The following SLC2A1 variants were observed in gnomAD, a reference collection of about 807,000 sequenced individuals.
The protein encoded by SLC2A1 is solute carrier family 2 member 1.
A neutral mutation model predicts 46.6 loss-of-function variants in SLC2A1; 4 were observed. The observed-to-expected ratio is 0.09, with a 90% CI of 0.04 to 0.20. The LOEUF is 0.20. SLC2A1 is among the 10% of genes least tolerant of loss of function. SLC2A1 has a pLI of 1.00. For synonymous variants in SLC2A1, 253 were observed against 270.0 expected, an observed-to-expected ratio of 0.94 and a Z score of 0.62; for missense variants, 352 against 667.0, an observed-to-expected ratio of 0.53 and a Z score of 5.20.
chr1:42,940,361 A>C (rs899292980), intron 2 of SLC2A1, among the ~76,000 whole-genome samples: 11 of 152,202 alleles, frequency 7.2e-5, no homozygotes, highest in Non-Finnish European at 1.6e-4. Flanking sequence ...CCCCTGGGGT[A>C]CCCGATGGCC....
intron 2 of SLC2A1, chr1:42,942,942 A>G: frequency 2.0e-6 from 1 of 499,590 alleles, no homozygotes; most frequent in Non-Finnish European, 3.7e-6. Flanking sequence ...ATATCATCAA[A>G]CATATTATTA....
chr1:42,943,465 A>G, intron 1 of SLC2A1, 144 bp from the exon 2 acceptor site: 1 of 735,422 alleles, frequency 1.4e-6, no homozygotes, highest in Non-Finnish European at 2.4e-6. Flanking sequence ...AAACTTGGCC[A>G]ATTCCTGACC....
In SLC2A1 at chr1:42,930,349, G is replaced by A. The variant is rs1010132914; in HGVS notation, c.516+277C>T. ...GAAGGGGAAGCCTCCTGGAGAGAGGGTACTGTGCATAACAGCCTGCGGCAT... is the reference window on the plus strand; with the variant it reads ...GAAGGGGAAGCCTCCTGGAGAGAGGATACTGTGCATAACAGCCTGCGGCAT... On this transcript the variant is annotated intron_variant, in intron 4 of 9. Transcript: ENST00000426263. This position sits in a 1 kb window ranked among gnomAD's most constrained non-coding sequence, Gnocchi z 6.2. 14 of 648,200 alleles carry A rather than the reference G, an allele frequency of 2.2e-5. No homozygotes were observed. The African/African-American group carries it at 2.2e-4, about 10-fold the overall frequency. 40.2% of individuals were successfully genotyped at this position (648,200 alleles called of 1,614,324 possible). A position where few individuals can be genotyped will look rare whatever the true frequency, so the allele number is the denominator to read the frequency against.
intron 1 of SLC2A1, 83 bp from the exon 2 acceptor site, chr1:42,943,404 T>C: frequency 1.0e-6 from 1 of 997,970 alleles, no homozygotes; most frequent in Non-Finnish European, 1.6e-6. Flanking sequence ...CAAGTTTCTG[T>C]GTTCAGATAT....
At chr1:42,934,772 G>T (rs74703396) in intron 2 of SLC2A1, among the ~76,000 whole-genome samples, 1 of 152,036 alleles carries the variant, frequency 6.6e-6, no homozygotes, top group African/African-American at 2.4e-5. Flanking sequence ...TCACATGCCC[G>T]TCCCAAGCTT....
Position 42,927,254 on chromosome 1 carries a change from C to G in SLC2A1, c.1279-13G>C, listed in dbSNP as rs1361780282. 1.9e-6 allele frequency: 3 copies of G among 1,613,038 alleles called. No individual in the cohort carries two copies. The African/African-American group carries it at 4.0e-5, about 22-fold the overall frequency. On this transcript the variant is annotated splice_polypyrimidine_tract_variant and intron_variant, in intron 9 of 9. Coordinates refer to ENST00000426263, the MANE Select transcript of SLC2A1 (RefSeq NM_006516.4). This position sits in a 1 kb window ranked among gnomAD's most constrained non-coding sequence, Gnocchi z 5.3. ...GACCACACAGTTGCTGAAAGACACA[C>G]AGACACACTTGGTTGGAGTCATGAC...
intron 1 of SLC2A1, among the ~76,000 whole-genome samples, chr1:42,944,235 C>T (rs1480948349): frequency 6.6e-6 from 1 of 152,174 alleles, no homozygotes; most frequent in Non-Finnish European, 1.5e-5. Context: ...GGACCTAAGG[C>T]AGCAGGAAGG....
intron 2 of SLC2A1, among the ~76,000 whole-genome samples, chr1:42,935,032 C>G (rs891488655): frequency 6.6e-6 from 1 of 152,188 alleles, no homozygotes; most frequent in Non-Finnish European, 1.5e-5. Flanking sequence ...CTTCTCTGCT[C>G]CCTTCCCAGC....
At position 42,936,153 on chromosome 1, in the gene SLC2A1, A is replaced by G. The variant is rs374597872; in HGVS notation, c.115-4947T>C. Among the ~76,000 whole-genome samples the G allele has an allele frequency of 5.9e-5, 9 of 152,228 alleles. No homozygotes were observed. The South Asian group carries it at 8.3e-4, about 14-fold the overall frequency. ...TTACCCCAGGAGGACTAGGTCAGTT[A>G]GGTCATCCCCAGCAGGGATCCCTGG... On this transcript the variant is annotated intron_variant, in intron 2 of 9. Transcript: ENST00000426263.
chr1:42,930,881 A>G lies in SLC2A1; in HGVS notation c.276-15T>C. On this transcript the variant is annotated splice_polypyrimidine_tract_variant and intron_variant, in intron 3 of 9. Coordinates refer to ENST00000426263, the MANE Select transcript of SLC2A1 (RefSeq NM_006516.4). This position sits in a 1 kb window ranked among gnomAD's most constrained non-coding sequence, Gnocchi z 6.2. ...TTGAATTCCGCCTGGGGACGGGGTCACAGGTCAGGCCAGTGCCCACATTCC... is the reference window on the plus strand; with the variant it reads ...TTGAATTCCGCCTGGGGACGGGGTCGCAGGTCAGGCCAGTGCCCACATTCC... 1 of 1,601,674 alleles carries G rather than the reference A, an allele frequency of 6.2e-7. No individual in the cohort carries two copies. Among genetic ancestry groups the G allele is most frequent in the South Asian group, 1.1e-5 (1 of 91,072 alleles).
intron 1 of SLC2A1, among the ~76,000 whole-genome samples, chr1:42,948,694 C>T (rs986528867): frequency 6.6e-6 from 1 of 151,890 alleles, no homozygotes; most frequent in East Asian, 1.9e-4. Flanking sequence ...TCTGGTAGGC[C>T]GAGGCGGGCG....
rs1236518290 is a variant in SLC2A1, at chr1:42,929,497, G to T, written c.867+96C>A. The T allele has an allele frequency of 7.7e-7, 1 of 1,296,472 alleles. No individual in the cohort carries two copies. Among genetic ancestry groups the T allele is most frequent in the Non-Finnish European group, 1.1e-6 (1 of 896,540 alleles). The allele number at this position is 1,296,472 out of a possible 1,614,324, so 80.3% of individuals were successfully genotyped here. On this transcript the variant is annotated intron_variant, in intron 6 of 9. Coordinates refer to ENST00000426263, the MANE Select transcript of SLC2A1 (RefSeq NM_006516.4). The surrounding 1 kb of genome is among the most constrained non-coding windows in gnomAD (Gnocchi z 6.0). Reference sequence around the variant, plus strand: ...TCTAAAGGGAAACTTCTTCGGCAGAGGCGTATCTGTTGTTTCAAGTTTGGG... The same window carrying T: ...TCTAAAGGGAAACTTCTTCGGCAGATGCGTATCTGTTGTTTCAAGTTTGGG...
chr1:42,943,379 C>A (rs1643618355), intron 1 of SLC2A1, 58 bp from the exon 2 acceptor site: 1 of 1,283,498 alleles, frequency 7.8e-7, no homozygotes, highest in Non-Finnish European at 1.1e-6. Context: ...TACTACAGGG[C>A]AGGGCCTGGA....
intron 1 of SLC2A1, among the ~76,000 whole-genome samples, chr1:42,957,900 C>A (rs1643793673): frequency 6.6e-6 from 1 of 152,192 alleles, no homozygotes; most frequent in African/African-American, 2.4e-5. Flanking sequence ...CGAGGGTAAA[C>A]CTGCCTCCGC....
chr1:42,943,655 G>T (rs1643621090), intron 1 of SLC2A1, among the ~76,000 whole-genome samples: 1 of 152,146 alleles, frequency 6.6e-6, no homozygotes, highest in Admixed American at 6.6e-5. Context: ...GGTGGTTCTA[G>T]ACTCTCTGAC....
intron 3 of SLC2A1, 40 bp downstream of exon 3, chr1:42,931,006 T>C (rs753105326): frequency 9.3e-6 from 15 of 1,611,124 alleles, no homozygotes; most frequent in Non-Finnish European, 1.2e-5. Context: ...CAGGAGGGCA[T>C]GGGCCCTCCA....
chr1:42,935,284 C>A (rs1053153969), intron 2 of SLC2A1, among the ~76,000 whole-genome samples: 1 of 152,164 alleles, frequency 6.6e-6, no homozygotes, highest in Non-Finnish European at 1.5e-5. Flanking sequence ...GCTTCTGGTA[C>A]GCGAAGCTAT....
chr1:42,927,461 C>G lies in SLC2A1; in HGVS notation c.1278+144G>C. 1 of 887,546 alleles carries G rather than the reference C, an allele frequency of 1.1e-6. No individual in the cohort carries two copies. The highest frequency in any genetic ancestry group is 1.4e-5 in the South Asian group (1 of 69,198). The allele number at this position is 887,546 out of a possible 1,614,324, so 55.0% of individuals were successfully genotyped here. A position where few individuals can be genotyped will look rare whatever the true frequency, so the allele number is the denominator to read the frequency against. The stretch of plus-strand genomic sequence containing the variant: ...AAGGGGAGAACCCTGGAGTTGAGGT[C>G]AGCATTCTTGGTCATGTGACCTGGG... On this transcript the variant is annotated intron_variant, in intron 9 of 9. Transcript: ENST00000426263. This position sits in a 1 kb window ranked among gnomAD's most constrained non-coding sequence, Gnocchi z 5.3.
rs541863059 is a variant in SLC2A1, at chr1:42,930,059, C to T, written c.517-24G>A. 1.7e-5 allele frequency: 28 copies of T among 1,612,730 alleles called. No individual in the cohort carries two copies. The highest frequency in any genetic ancestry group is 5.5e-5 in the South Asian group (5 of 91,014). On this transcript the variant is annotated intron_variant, in intron 4 of 9. Coordinates refer to ENST00000426263, the MANE Select transcript of SLC2A1 (RefSeq NM_006516.4). The surrounding 1 kb of genome is among the most constrained non-coding windows in gnomAD (Gnocchi z 6.2). ...ACCTGGGGGAAGCAGGGGCCGTGAG[C>T]GCCTCTGCCCTGACCCCCTTTCCCA...
Sources: gnomAD v4.1 joint callset for allele counts (sites outside exome capture counted in the v4.1 genomes callset) on GRCh38, gnomAD v4.1.1 for gene constraint, Gnocchi (gnomAD v3.1) non-coding constraint, MANE v1.5 for transcripts, NCBI Gene and HGNC (gene_info 2026-07-23, HGNC 2026-07-21) for gene names.